Variants in PARD3B observed in about 807,000 individuals in gnomAD.
The protein encoded by PARD3B is par-3 family cell polarity regulator beta, also known as partitioning defective 3 homolog B.
In PARD3B, 103 loss-of-function variants were observed where a neutral mutation model predicts 130.2. The observed-to-expected ratio is 0.79, with a 90% CI of 0.67 to 0.93. PARD3B has a LOEUF of 0.93. Ranked by LOEUF, PARD3B falls within the 40% of genes least tolerant of loss-of-function variation. The pLI is 0.00. For synonymous variants in PARD3B, 583 were observed against 553.2 expected (o/e 1.05, Z -0.76); for missense variants, 1,609 against 1,499.2 (o/e 1.07, Z -1.21).
intron 10 of PARD3B, among the ~76,000 whole-genome samples, chr2:205,133,318 A>G (rs2032182598): frequency 6.6e-6 from 1 of 152,118 alleles, no homozygotes; most frequent in Non-Finnish European, 1.5e-5. Flanking sequence ...AAATGCTTCA[A>G]TTTGGGCTGC....
At chr2:205,457,762 A>C (rs554525936) in intron 20 of PARD3B, among the ~76,000 whole-genome samples, 68 of 152,180 alleles carry the variant, frequency 4.5e-4, no homozygotes, top group African/African-American at 1.6e-3. Flanking sequence ...GTTTTTATCA[A>C]AGTTTGTTGT....
chr2:205,287,809 CATGTACCCTGACAT>C lies in PARD3B; in HGVS notation c.2186-12720_2186-12707del, dbSNP rs904888250. Among the ~76,000 whole-genome samples, 5 of 152,048 alleles carry C rather than the reference CATGTACCCTGACAT, an allele frequency of 3.3e-5. No homozygotes were observed. Among genetic ancestry groups the C allele is most frequent in the African/African-American group, 1.2e-4 (5 of 41,370 alleles). On this transcript the variant is annotated intron_variant, in intron 16 of 22. Coordinates refer to ENST00000406610, the MANE Select transcript of PARD3B (RefSeq NM_001302769.2). The surrounding 1 kb of genome is among the most constrained non-coding windows in gnomAD (Gnocchi z 4.8). ...TGAGGTAGAGTAAAGCAAGTGTTTC[CATGTACCCTGACAT>C]CTCAGTACAACCCAGCAAGAATTTC...
At chr2:204,549,989 A>G (rs1446411709) in intron 1 of PARD3B, among the ~76,000 whole-genome samples, 1 of 152,130 alleles carries the variant, frequency 6.6e-6, no homozygotes, top group Non-Finnish European at 1.5e-5. Flanking sequence ...TTTTAGTGCC[A>G]TTAGGAATAC....
intron 2 of PARD3B, among the ~76,000 whole-genome samples, chr2:204,936,077 T>C (rs1688429436): frequency 6.6e-6 from 1 of 152,228 alleles, no homozygotes; most frequent in Non-Finnish European, 1.5e-5. Context: ...TCAGTTTCAG[T>C]GGTCTGTTTC....
At chr2:205,037,967 G>T (rs1698128166) in intron 3 of PARD3B, among the ~76,000 whole-genome samples, 1 of 152,128 alleles carries the variant, frequency 6.6e-6, no homozygotes, top group Non-Finnish European at 1.5e-5. Flanking sequence ...ACGCAAATCT[G>T]CATCTGGGCA....
At chr2:205,324,083 C>T (rs576617157) in intron 18 of PARD3B, among the ~76,000 whole-genome samples, 16 of 152,092 alleles carry the variant, frequency 1.1e-4, no homozygotes, top group Non-Finnish European at 1.9e-4. Context: ...GACTGTATTA[C>T]ACACCTTCTT....
chr2:205,206,374 A>G (rs1274395140), intron 15 of PARD3B, among the ~76,000 whole-genome samples: 2 of 92,430 alleles, frequency 2.2e-5, no homozygotes, highest in African/African-American at 4.1e-5. Flanking sequence ...CCCTCCCCCA[A>G]CCCCACAACA....
intron 14 of PARD3B, among the ~76,000 whole-genome samples, chr2:205,191,786 G>A (rs2036413802): frequency 6.6e-6 from 1 of 152,168 alleles, no homozygotes; most frequent in Non-Finnish European, 1.5e-5. Context: ...CTGCTAGTAA[G>A]TACCGGAGCC....
At chr2:205,479,425 G>A (rs1225707167) in intron 20 of PARD3B, among the ~76,000 whole-genome samples, 1 of 152,138 alleles carries the variant, frequency 6.6e-6, no homozygotes, top group Non-Finnish European at 1.5e-5. Context: ...ACTAGACAAA[G>A]ACTCAAAATG....
At chr2:204,937,645 G>T (rs1437661905) in intron 2 of PARD3B, among the ~76,000 whole-genome samples, 1 of 152,094 alleles carries the variant, frequency 6.6e-6, no homozygotes, top group Admixed American at 6.6e-5. Flanking sequence ...ATTAGTATGT[G>T]TCAGCGCCAC....
chr2:205,613,059 GCT>G (rs1035443650), intron 22 of PARD3B, among the ~76,000 whole-genome samples: 23 of 152,180 alleles, frequency 1.5e-4, no homozygotes, highest in African/African-American at 5.6e-4. Context: ...CTTTTATAAT[GCT>G]CTGTTTTAAG....
At chr2:205,528,199 T>C (rs2051421100) in intron 21 of PARD3B, among the ~76,000 whole-genome samples, 1 of 152,090 alleles carries the variant, frequency 6.6e-6, no homozygotes, top group South Asian at 2.1e-4. Flanking sequence ...TCCAGCCTCA[T>C]CTCCCTCTCC....
chr2:204,561,546 C>T (rs1273912912), intron 1 of PARD3B, among the ~76,000 whole-genome samples: 5 of 151,918 alleles, frequency 3.3e-5, no homozygotes, highest in Non-Finnish European at 7.4e-5. Flanking sequence ...TGGCTGCTTC[C>T]CTTTCCTAAA....
At position 204,659,521 on chromosome 2, in the gene PARD3B, A is replaced by G. The variant is rs181886825; in HGVS notation, c.121-26660A>G. Among the ~76,000 whole-genome samples the G allele has an allele frequency of 3.4e-4, 52 of 152,280 alleles. 1 individual carries two copies. Among genetic ancestry groups the G allele is most frequent in the Admixed American group, 3.2e-3 (49 of 15,284 alleles). On this transcript the variant is annotated intron_variant, in intron 1 of 22. Coordinates refer to ENST00000406610, the MANE Select transcript of PARD3B (RefSeq NM_001302769.2). ...GGGTACACAAGTGTGTGAGTTGTGT[A>G]TATAGCATCGTGGCTCAGATCCAGT... is the stretch of plus-strand genomic sequence containing the variant.
chr2:204,663,580 G>A (rs890122650), intron 1 of PARD3B, among the ~76,000 whole-genome samples: 4 of 152,160 alleles, frequency 2.6e-5, no homozygotes, highest in Admixed American at 6.5e-5. Flanking sequence ...TTTGAAATGC[G>A]GCATTGGACC....
At chr2:204,620,806 A>G (rs535667059) in intron 1 of PARD3B, among the ~76,000 whole-genome samples, 1 of 152,200 alleles carries the variant, frequency 6.6e-6, no homozygotes, top group South Asian at 2.1e-4. Context: ...GTGCCAAGAA[A>G]TCTCTGTTTT....
Position 205,054,436 on chromosome 2 carries a change from ATTTTTTTTT to A in PARD3B, c.504+6759_504+6767del, listed in dbSNP as rs769918623. 1.6e-3 allele frequency among the ~76,000 whole-genome samples: 46 copies of A among 28,428 alleles called. 1 individual carries two copies. Among genetic ancestry groups the A allele is most frequent in the Admixed American group, 4.2e-3 (6 of 1,414 alleles). 18.6% of individuals were successfully genotyped at this position (28,428 alleles called of 152,430 possible). On this transcript the variant is annotated intron_variant, in intron 4 of 22. Transcript: ENST00000406610. Reference sequence around the variant, plus strand: ...TATATATATATATATATATATATATATTTTTTTTTTTTTTTTTTTTTAATTATACTCTAA... The same window carrying A: ...TATATATATATATATATATATATATATTTTTTTTTTTTAATTATACTCTAA...
chr2:205,188,010 C>G (rs190866144), intron 14 of PARD3B, among the ~76,000 whole-genome samples: 1 of 152,308 alleles, frequency 6.6e-6, no homozygotes, highest in East Asian at 1.9e-4. Context: ...AGAAAGAACT[C>G]AAATGGATTG....
intron 21 of PARD3B, among the ~76,000 whole-genome samples, chr2:205,507,194 G>GTT (rs1245448537): frequency 1.8e-3 from 45 of 25,318 alleles, no homozygotes; most frequent in Admixed American, 3.7e-3. Context: ...GACAGGTGCA[G>GTT]TATTTTTTTT....
Sources: gnomAD v4.1 joint callset for allele counts (sites outside exome capture counted in the v4.1 genomes callset) on GRCh38, gnomAD v4.1.1 for gene constraint, Gnocchi (gnomAD v3.1) non-coding constraint, MANE v1.5 for transcripts, NCBI Gene and HGNC (gene_info 2026-07-23, HGNC 2026-07-21) for gene names.